The following SOX5 variants were observed in gnomAD, a reference collection of about 807,000 sequenced individuals.
The protein encoded by SOX5 is SRY-box transcription factor 5.
A neutral mutation model predicts 92.0 loss-of-function variants in SOX5; 9 were observed. The ratio of observed to expected loss-of-function variants is 0.10; its 90% confidence interval spans 0.06 to 0.17. The LOEUF is 0.17. Among genes scored for constraint, SOX5 ranks in the 10% least tolerant of loss-of-function variants. SOX5 has a pLI of 1.00. For synonymous variants in SOX5, 344 were observed against 336.3 expected (o/e 1.02, Z -0.25); for missense variants, 642 against 944.5 (o/e 0.68, Z 4.20).
intron 9 of SOX5, among the ~76,000 whole-genome samples, chr12:23,601,155 C>A (rs1249033698): frequency 6.6e-6 from 1 of 152,110 alleles, no homozygotes; most frequent in African/African-American, 2.4e-5. Flanking sequence ...TGGCACACAG[C>A]AGATTGAAAA....
intron 1 of SOX5, among the ~76,000 whole-genome samples, chr12:24,402,927 A>T (rs895346340): frequency 6.6e-6 from 1 of 152,110 alleles, no homozygotes; most frequent in African/African-American, 2.4e-5. Flanking sequence ...CGTCTATCCA[A>T]TCATAATGCT....
chr12:24,332,461 G>T (rs1951437577), intron 2 of SOX5, among the ~76,000 whole-genome samples: 1 of 151,704 alleles, frequency 6.6e-6, no homozygotes, highest in Non-Finnish European at 1.5e-5. Flanking sequence ...TACTTGACAT[G>T]GTCCCCAATA....
chr12:23,612,894 C>G (rs1361178225), intron 8 of SOX5, among the ~76,000 whole-genome samples: 1 of 152,124 alleles, frequency 6.6e-6, no homozygotes, highest in Non-Finnish European at 1.5e-5. Flanking sequence ...CCTAATGTAA[C>G]TTAAATGTGG....
intron 1 of SOX5, among the ~76,000 whole-genome samples, chr12:24,507,195 C>T (rs1948880297): frequency 6.6e-6 from 1 of 151,914 alleles, no homozygotes; most frequent in African/African-American, 2.4e-5. Context: ...ACCATTGGTT[C>T]CTCAACAATT....
chr12:24,316,764 G>T (rs377284577), intron 2 of SOX5, among the ~76,000 whole-genome samples: 2 of 152,134 alleles, frequency 1.3e-5, no homozygotes, highest in South Asian at 4.2e-4. Context: ...CCTTTAAAAA[G>T]CATTCCTTAT....
At chr12:24,550,077 C>T (rs1035491001) in intron 1 of SOX5, among the ~76,000 whole-genome samples, 3 of 152,316 alleles carry the variant, frequency 2.0e-5, no homozygotes, top group South Asian at 2.1e-4. Context: ...TCAGCTATGC[C>T]GTTTGCTAGC....
chr12:23,856,815 G>A (rs970415880), intron 2 of SOX5, among the ~76,000 whole-genome samples: 2 of 152,072 alleles, frequency 1.3e-5, no homozygotes, highest in African/African-American at 4.8e-5. Flanking sequence ...TTAGAGAAGA[G>A]AGAATGCTAG....
At chr12:24,059,251 T>C (rs1056728244) in intron 4 of SOX5, among the ~76,000 whole-genome samples, 1 of 152,206 alleles carries the variant, frequency 6.6e-6, no homozygotes, top group African/African-American at 2.4e-5. Context: ...GTGTTTTTGA[T>C]AGAAAATCCA....
At position 23,607,629 on chromosome 12, in the gene SOX5, A is replaced by C. The variant is rs193117731; in HGVS notation, c.1018-3096T>G. ...TATTAAACGTTCTTAAAGCAAAATC[A>C]AGCCTAATAACAGGTGTCTGCCCTA... On this transcript the variant is annotated intron_variant, in intron 8 of 14. Coordinates refer to ENST00000451604, the MANE Select transcript of SOX5 (RefSeq NM_006940.6). 3.2e-3 allele frequency among the ~76,000 whole-genome samples: 479 copies of C among 148,668 alleles called. 2 individuals are homozygous for C. The highest frequency in any genetic ancestry group is 0.012 in the African/African-American group (466 of 40,122).
intron 2 of SOX5, among the ~76,000 whole-genome samples, chr12:24,323,485 A>C (rs1421803747): frequency 2.0e-5 from 3 of 151,778 alleles, no homozygotes; most frequent in African/African-American, 7.3e-5. Context: ...TTTAATGTCA[A>C]ACAAAAAAAG....
chr12:24,552,465 C>T (rs1469027956), intron 1 of SOX5, among the ~76,000 whole-genome samples: 4 of 151,908 alleles, frequency 2.6e-5, no homozygotes, highest in Admixed American at 6.6e-5. Context: ...TGGGATGAGA[C>T]CCAGAAAGCC....
At chr12:24,245,636 G>T (rs1460685064) in intron 3 of SOX5, among the ~76,000 whole-genome samples, 1 of 152,064 alleles carries the variant, frequency 6.6e-6, no homozygotes, top group African/African-American at 2.4e-5. Context: ...CTGTGAATAT[G>T]TACACGCACA....
At chr12:23,694,670 C>T (rs911050752) in intron 6 of SOX5, among the ~76,000 whole-genome samples, 1 of 152,052 alleles carries the variant, frequency 6.6e-6, no homozygotes, top group African/African-American at 2.4e-5. Context: ...CCACAAACAC[C>T]CTGTACTCAT....
rs76039956 is a variant in SOX5, at chr12:24,474,426, T to C, written c.-251+87903A>G. Among the ~76,000 whole-genome samples the C allele has an allele frequency of 3.6e-3, 545 of 152,296 alleles. 1 individual carries two copies. Among genetic ancestry groups the C allele is most frequent in the African/African-American group, 0.013 (527 of 41,560 alleles). ...GGATGACCCCCCCACCGGTGTGATA[T>C]CATTTGAAGTTTTGATATCTATCAT... On this transcript the variant is annotated intron_variant, in intron 1 of 4. Transcript: ENST00000446891.
intron 8 of SOX5, among the ~76,000 whole-genome samples, chr12:23,605,512 C>T (rs2075134938): frequency 6.7e-6 from 1 of 149,870 alleles, no homozygotes; most frequent in Admixed American, 6.7e-5. Flanking sequence ...CACACACATC[C>T]CAGTTTCTTA....
At chr12:23,767,151 G>A (rs2094759663) in intron 3 of SOX5, among the ~76,000 whole-genome samples, 1 of 151,866 alleles carries the variant, frequency 6.6e-6, no homozygotes, top group Admixed American at 6.6e-5. Flanking sequence ...AGGCTGCAGT[G>A]AGCCATGATT....
chr12:24,545,692 G>A (rs763225600), intron 1 of SOX5, among the ~76,000 whole-genome samples: 4 of 152,182 alleles, frequency 2.6e-5, no homozygotes, highest in Admixed American at 6.5e-5. Context: ...GGATGCTGTG[G>A]TGCGCTGCCC....
intron 1 of SOX5, among the ~76,000 whole-genome samples, chr12:24,385,769 G>A (rs1160095431): frequency 1.3e-5 from 2 of 151,888 alleles, no homozygotes; most frequent in South Asian, 2.1e-4. Flanking sequence ...GAAATCTCAT[G>A]TCTACCAAAA....
chr12:24,509,763 G>C (rs536344422), intron 1 of SOX5, among the ~76,000 whole-genome samples: 3 of 152,228 alleles, frequency 2.0e-5, no homozygotes, highest in African/African-American at 7.2e-5. Flanking sequence ...CATGTTCTTG[G>C]CCCAGCCAGT....
Sources: gnomAD v4.1 joint callset for allele counts (sites outside exome capture counted in the v4.1 genomes callset) on GRCh38, gnomAD v4.1.1 for gene constraint, MANE v1.5 for transcripts, NCBI Gene and HGNC (gene_info 2026-07-23, HGNC 2026-07-21) for gene names.